The following LRRIQ1 variants were observed in gnomAD, a reference collection of about 807,000 sequenced individuals.
The protein encoded by LRRIQ1 is leucine-rich repeat- and IQ domain-containing protein 1.
A neutral mutation model predicts 211.9 loss-of-function variants in LRRIQ1; 210 were observed. That is an observed-to-expected ratio of 0.99 (90% CI 0.89 to 1.11). The LOEUF (loss-of-function observed/expected upper bound fraction) is 1.11, where lower values mean the gene tolerates loss of function less well. LRRIQ1 is among the 50% of genes most tolerant of loss of function. LRRIQ1 has a pLI of 0.00. For missense variants in LRRIQ1, 2,136 were observed against 1,939.5 expected, an observed-to-expected ratio of 1.10 and a Z score of -1.90; for synonymous variants, 699 against 650.1, an observed-to-expected ratio of 1.08 and a Z score of -1.14.
chr12:85,068,101 G>GCCTT (rs1275944188), intron 10 of LRRIQ1, among the ~76,000 whole-genome samples: 15 of 151,844 alleles, frequency 9.9e-5, no homozygotes, highest in African/African-American at 3.6e-4. Flanking sequence ...ATTCTCAAGG[G>GCCTT]CCTTGGTAGA....
chr12:85,074,060 AT>A (rs1264756200), intron 11 of LRRIQ1, among the ~76,000 whole-genome samples: 2 of 152,088 alleles, frequency 1.3e-5, no homozygotes, highest in East Asian at 3.9e-4. Context: ...TTACTGTGCT[AT>A]AGTTATCACA....
chr12:85,085,948 T>A (rs929141311), intron 11 of LRRIQ1, among the ~76,000 whole-genome samples: 21 of 152,218 alleles, frequency 1.4e-4, no homozygotes, highest in Non-Finnish European at 1.5e-4. Context: ...CCTTTAACTA[T>A]ATATTTAGTA....
chr12:85,236,326 A>C (rs1346905890), intron 26 of LRRIQ1, among the ~76,000 whole-genome samples: 1 of 152,160 alleles, frequency 6.6e-6, no homozygotes, highest in Non-Finnish European at 1.5e-5. Flanking sequence ...CAGGTATATG[A>C]CTGCTGTTTT....
chr12:85,239,287 G>A (rs923727772), intron 26 of LRRIQ1, among the ~76,000 whole-genome samples: 1 of 150,082 alleles, frequency 6.7e-6, no homozygotes, highest in Non-Finnish European at 1.5e-5. Context: ...CTTGAAAAAA[G>A]AATAGTAAGA....
At chr12:85,096,848 G>A (rs1316491188) in intron 11 of LRRIQ1, among the ~76,000 whole-genome samples, 7 of 152,066 alleles carry the variant, frequency 4.6e-5, no homozygotes, top group African/African-American at 1.7e-4. Context: ...TCCAATGTTG[G>A]ATCTGTATGT....
chr12:85,097,099 T>C (rs2136267673), intron 11 of LRRIQ1, among the ~76,000 whole-genome samples: 1 of 152,288 alleles, frequency 6.6e-6, no homozygotes, highest in East Asian at 1.9e-4. Context: ...TGGGTCTTGT[T>C]TTTTATTCAG....
chr12:85,175,766 C>CTTTCCCCAT (rs1003813306), intron 24 of LRRIQ1, among the ~76,000 whole-genome samples: 1 of 152,132 alleles, frequency 6.6e-6, no homozygotes, highest in African/African-American at 2.4e-5. Context: ...ATAGGGAATC[C>CTTTCCCCAT]TTTCCCCATT....
intron 24 of LRRIQ1, among the ~76,000 whole-genome samples, chr12:85,183,319 A>G (rs767348356): frequency 1.3e-5 from 2 of 152,050 alleles, no homozygotes; most frequent in Non-Finnish European, 2.9e-5. Flanking sequence ...TACATTTTTG[A>G]AGTGTTTTTT....
intron 11 of LRRIQ1, among the ~76,000 whole-genome samples, chr12:85,082,978 A>G (rs1884453319): frequency 6.6e-6 from 1 of 152,196 alleles, no homozygotes; most frequent in Non-Finnish European, 1.5e-5. Context: ...ATCTGAGCAA[A>G]TCTGAGCTAC....
intron 11 of LRRIQ1, among the ~76,000 whole-genome samples, chr12:85,084,549 A>G (rs1884619108): frequency 6.6e-6 from 1 of 152,146 alleles, no homozygotes; most frequent in Non-Finnish European, 1.5e-5. Context: ...AATATTAAAG[A>G]AATGTTTAAA....
intron 24 of LRRIQ1, among the ~76,000 whole-genome samples, chr12:85,217,494 ATATATATATATATATGTGTGTGTGTGTG>A (rs1397991414): frequency 5.5e-5 from 4 of 72,262 alleles, no homozygotes; most frequent in African/African-American, 3.0e-4. Context: ...ATATATATGT[ATATATATATATATATGTGTGTGTGTGTG>A]TGTGTGTGTG....
intron 19 of LRRIQ1, among the ~76,000 whole-genome samples, chr12:85,150,287 T>C (rs1190199533): frequency 6.6e-6 from 1 of 151,682 alleles, no homozygotes; most frequent in Non-Finnish European, 1.5e-5. Flanking sequence ...CTAATTCAAT[T>C]ATAGCTGATA....
rs1343586764 is a variant in LRRIQ1, at chr12:85,038,255, G to C, written c.79G>C (p.Glu27Gln). The C allele has an allele frequency of 6.3e-7, 1 of 1,588,276 alleles. No individual in the cohort carries two copies. The highest frequency in any genetic ancestry group is 1.4e-5 in the African/African-American group (1 of 73,518). The change falls in exon 2 of 27, where the codon GAA becomes CAA. Residue 27 changes from glutamate (E) to glutamine (Q), a missense_variant. By Grantham distance (29) the Glu-to-Gln change is conservative. Coordinates refer to ENST00000393217, the MANE Select transcript of LRRIQ1 (RefSeq NM_001079910.2). ...ACTCAGCATTTCCTCCTTGGAAAAAGAAGACATTGAGAGTGATGCAAAATC... is the reference window on the plus strand; with the variant it reads ...ACTCAGCATTTCCTCCTTGGAAAAACAAGACATTGAGAGTGATGCAAAATC... ...DKLSISSLEK[E>Q]DIESDAKSET...
At chr12:85,212,609 A>G in intron 24 of LRRIQ1, among the ~76,000 whole-genome samples, 1 of 151,738 alleles carries the variant, frequency 6.6e-6, no homozygotes, top group East Asian at 1.9e-4. Flanking sequence ...TAACTGAAAA[A>G]TGAAGCTAAA....
At chr12:85,230,273 A>C (rs923604848) in intron 25 of LRRIQ1, among the ~76,000 whole-genome samples, 3 of 152,092 alleles carry the variant, frequency 2.0e-5, no homozygotes, top group Admixed American at 1.3e-4. Context: ...CAGATTGGGT[A>C]GTTTAAACAA....
At chr12:85,241,662 G>A (rs1895468265) in intron 26 of LRRIQ1, among the ~76,000 whole-genome samples, 1 of 151,916 alleles carries the variant, frequency 6.6e-6, no homozygotes, top group African/African-American at 2.4e-5. Flanking sequence ...TGATACATAT[G>A]TAGAAAAACA....
intron 1 of LRRIQ1, among the ~76,000 whole-genome samples, chr12:85,251,129 T>C (rs1895932692): frequency 6.7e-6 from 1 of 149,020 alleles, no homozygotes; most frequent in Admixed American, 6.9e-5. Flanking sequence ...TTTCTTCTCT[T>C]TAAAAGAGAT....
At chr12:85,143,926 A>T (rs2136604860) in intron 19 of LRRIQ1, among the ~76,000 whole-genome samples, 1 of 151,614 alleles carries the variant, frequency 6.6e-6, no homozygotes, top group East Asian at 2.0e-4. Flanking sequence ...AAAATTTTTA[A>T]ATTTTAGTTT....
In LRRIQ1 at chr12:85,254,931, A is replaced by C. The variant is rs115727659; in HGVS notation, c.122-7984A>C. ...TAGCAAGATAAGTAAAGGACATGAA[A>C]GTGTGAATAAACCTTTTGATAAAAT... On this transcript the variant is annotated intron_variant, in intron 1 of 1. Coordinates refer to the LRRIQ1 transcript ENST00000602731. Among the ~76,000 whole-genome samples, 955 of 152,122 alleles carry C rather than the reference A, an allele frequency of 6.3e-3. 7 individuals are homozygous for C. Among genetic ancestry groups the C allele is most frequent in the African/African-American group, 0.022 (921 of 41,562 alleles).
Sources: allele counts gnomAD v4.1 joint callset (sites outside exome capture counted in the v4.1 genomes callset), GRCh38; gene constraint gnomAD v4.1.1; transcripts MANE v1.5; gene names NCBI Gene and HGNC (gene_info 2026-07-23, HGNC 2026-07-21).